The following SCUBE3 variants were observed in gnomAD, a reference collection of about 807,000 sequenced individuals.
SCUBE3 encodes the protein signal peptide, CUB and EGF-like domain-containing protein 3.
SCUBE3 carries 33 observed loss-of-function variants against 116.8 expected under a neutral mutation model. That is an observed-to-expected ratio of 0.28 (90% CI 0.21 to 0.38). SCUBE3 has a LOEUF of 0.38. Among genes scored for constraint, SCUBE3 ranks in the 10% least tolerant of loss-of-function variants. The pLI is 1.00. For synonymous variants in SCUBE3, 418 were observed against 496.9 expected, an observed-to-expected ratio of 0.84 and a Z score of 2.11; for missense variants, 1,007 against 1,324.8, an observed-to-expected ratio of 0.76 and a Z score of 3.72.
chr6:35,222,692 TCTCA>T (rs1409537031), intron 1 of SCUBE3: 1 of 152,184 alleles, frequency 6.6e-6, no homozygotes, highest in Non-Finnish European at 1.5e-5. Flanking sequence ...CCAACTGGCC[TCTCA>T]CCCACTTCAC....
At chr6:35,220,582 G>C (rs1248252639) in intron 1 of SCUBE3, 1 of 152,102 alleles carries the variant, frequency 6.6e-6, no homozygotes, top group Non-Finnish European at 1.5e-5. Context: ...TGTCCAATTA[G>C]GGTTACATTC....
Position 35,233,271 on chromosome 6 carries a change from G to T in SCUBE3, c.682G>T (p.Val228Leu). 1 of 1,613,124 alleles carries T rather than the reference G, an allele frequency of 6.2e-7. No individual in the cohort carries two copies. Among genetic ancestry groups the T allele is most frequent in the Non-Finnish European group, 8.5e-7 (1 of 1,179,208 alleles). Reference sequence around the variant, plus strand: ...CCGGTGCGGCTGCCATATCAAGTTTGTGCTCCATACCGACGGGAAGACATG... The same window carrying T: ...CCGGTGCGGCTGCCATATCAAGTTTTTGCTCCATACCGACGGGAAGACATG... ...GPRCGCHIKF[V>L]LHTDGKTCIE... Residue 228 changes from valine (V) to leucine (L), a missense_variant, in exon 6 of 22, where the codon GTG becomes TTG. Coordinates refer to ENST00000274938, the MANE Select transcript of SCUBE3 (RefSeq NM_152753.4). This position sits in a 1 kb window ranked among gnomAD's most constrained non-coding sequence, Gnocchi z 5.7.
chr6:35,217,219 T>TGGTGGGGGGGGGGGGGGGGGGGGGGGGGG (rs1782931758), intron 1 of SCUBE3, among the ~76,000 whole-genome samples: 1 of 2,142 alleles, frequency 4.7e-4, no homozygotes, highest in African/African-American at 6.9e-4. Context: ...GGTGGGTGTT[T>TGGTGGGGGGGGGGGGGGGGGGGGGGGGGG]GGCGGGGGGG....
rs149950555 is a variant in SCUBE3, at chr6:35,228,296, G to A, written c.209-318G>A. Among the ~76,000 whole-genome samples the A allele has an allele frequency of 6.6e-6, 1 of 152,152 alleles. No individual in the cohort carries two copies. The highest frequency in any genetic ancestry group is 2.4e-5 in the African/African-American group (1 of 41,492). On this transcript the variant is annotated intron_variant, in intron 2 of 21. Coordinates refer to ENST00000274938, the MANE Select transcript of SCUBE3 (RefSeq NM_152753.4). The surrounding 1 kb of genome is among the most constrained non-coding windows in gnomAD (Gnocchi z 4.9). ...TTTTACTCTTGGGGACTTATTCAAA[G>A]TAACAAAATAATACATGGGAGAAGA...
chr6:35,242,081 C>A, intron 12 of SCUBE3, 123 bp from the exon 13 acceptor site: 1 of 868,184 alleles, frequency 1.2e-6, no homozygotes, highest in Non-Finnish European at 1.9e-6. Context: ...ATCCCCTTGA[C>A]TTTCATAATC....
At chr6:35,247,625 T>C (rs1784402934) in intron 21 of SCUBE3, among the ~76,000 whole-genome samples, 1 of 152,204 alleles carries the variant, frequency 6.6e-6, no homozygotes, top group South Asian at 2.1e-4. Flanking sequence ...TTTTCAAACA[T>C]TTTTAAAGCA....
In SCUBE3 at chr6:35,231,853, C is replaced by A; in HGVS notation, c.463C>A (p.Pro155Thr). The change falls in exon 4 of 22, where the codon CCA becomes ACA. Residue 155 changes from proline (P) to threonine (T), a missense_variant. Physicochemically the swap from Pro to Thr is conservative, Grantham distance 38 (BLOSUM62 -1). This residue lies in a region of SCUBE3 where 214 missense variants were observed against 316.7 expected (regional missense o/e 0.68). Transcript: ENST00000274938. The surrounding 1 kb of genome is among the most constrained non-coding windows in gnomAD (Gnocchi z 4.2). ...CAACCAGCATACCTGTATCCAGCGG[C>A]CAGAAGGTCAGCCCATGACCTGGGA... ...SDNQHTCIQRPEEGMNCMNKN... is the reference protein window; with the variant it reads ...SDNQHTCIQRTEEGMNCMNKN... The A allele has an allele frequency of 6.2e-7, 1 of 1,610,424 alleles. No individual in the cohort carries two copies. The highest frequency in any genetic ancestry group is 8.5e-7 in the Non-Finnish European group (1 of 1,177,232).
chr6:35,247,556 C>A (rs1208958244), intron 21 of SCUBE3, among the ~76,000 whole-genome samples: 1 of 151,972 alleles, frequency 6.6e-6, no homozygotes, highest in Non-Finnish European at 1.5e-5. Flanking sequence ...AAATAAAAGC[C>A]TTGACAACAA....
Position 35,243,830 on chromosome 6 carries a change from G to A in SCUBE3, c.2071+75G>A, listed in dbSNP as rs1465636836. The A allele has an allele frequency of 6.4e-7, 1 of 1,559,378 alleles. No individual in the cohort carries two copies. Among genetic ancestry groups the A allele is most frequent in the South Asian group, 1.2e-5 (1 of 86,664 alleles). On this transcript the variant is annotated intron_variant, in intron 16 of 21. Transcript: ENST00000274938. This position sits in a 1 kb window ranked among gnomAD's most constrained non-coding sequence, Gnocchi z 6.6. ...GCCCATGGGCATGGGATTTCCCAAA[G>A]GGCAGGCCCAGGCTCCAGGCCACTC...
chr6:35,245,658 G>A lies in SCUBE3; in HGVS notation c.2599+233G>A, dbSNP rs1784304505. Reference sequence around the variant, plus strand: ...TAGCAGTGGGGCTAGAACTCCAATGGCGTTACATGTATCACTTTCCTATCC... The same window carrying A: ...TAGCAGTGGGGCTAGAACTCCAATGACGTTACATGTATCACTTTCCTATCC... On this transcript the variant is annotated intron_variant, in intron 19 of 21. Coordinates refer to ENST00000274938, the MANE Select transcript of SCUBE3 (RefSeq NM_152753.4). This position sits in a 1 kb window ranked among gnomAD's most constrained non-coding sequence, Gnocchi z 4.2. Among the ~76,000 whole-genome samples the A allele has an allele frequency of 6.6e-6, 1 of 152,212 alleles. No individual in the cohort carries two copies. Among genetic ancestry groups the A allele is most frequent in the Non-Finnish European group, 1.5e-5 (1 of 68,050 alleles).
At chr6:35,220,199 C>T (rs1783070599) in intron 1 of SCUBE3, among the ~76,000 whole-genome samples, 1 of 152,132 alleles carries the variant, frequency 6.6e-6, no homozygotes, top group Non-Finnish European at 1.5e-5. Context: ...TTAGAGAACA[C>T]AGTGGGTAGT....
Position 35,241,654 on chromosome 6 carries a change from TG to T in SCUBE3, c.1308del (p.Leu436PhefsTer10). Reference protein sequence around the residue: ...ALTCPSRARFLPESENGFTVS... With the variant: ...ALTCPSRARFXPESENGFTVS... ...ACCTGTCCCTCCAGGGCCCGATTTTTGCCAGGTACATGGGAGGAGGGTGCTG... is the reference window on the plus strand; with the variant it reads ...ACCTGTCCCTCCAGGGCCCGATTTTTCCAGGTACATGGGAGGAGGGTGCTG... On this transcript the variant is annotated frameshift_variant, in exon 11 of 22. Transcript: ENST00000274938. LOFTEE classifies it high-confidence loss of function. The surrounding 1 kb of genome is among the most constrained non-coding windows in gnomAD (Gnocchi z 4.1). 6.2e-7 allele frequency: 1 copy of T among 1,610,020 alleles called. No homozygotes were observed. Among genetic ancestry groups the T allele is most frequent in the Middle Eastern group, 1.7e-4 (1 of 6,054 alleles).
At chr6:35,229,544 G>A (rs1783452621) in intron 3 of SCUBE3, among the ~76,000 whole-genome samples, 1 of 152,160 alleles carries the variant, frequency 6.6e-6, no homozygotes, top group African/African-American at 2.4e-5. Flanking sequence ...TGTTTTTGAT[G>A]ATGACGACAG....
rs1581942699 is a variant in SCUBE3, at chr6:35,241,403, G to A, written c.1195+137G>A. 1 of 1,189,614 alleles carries A rather than the reference G, an allele frequency of 8.4e-7. No homozygotes were observed. Among genetic ancestry groups the A allele is most frequent in the Non-Finnish European group, 1.2e-6 (1 of 815,402 alleles). 73.7% of individuals were successfully genotyped at this position (1,189,614 alleles called of 1,614,324 possible). ...GAGAATGTAGCCATTTTGAGTTAAA[G>A]ACATGAAATTTGTAGTAAACAATCC... On this transcript the variant is annotated intron_variant, in intron 10 of 21. Coordinates refer to ENST00000274938, the MANE Select transcript of SCUBE3 (RefSeq NM_152753.4). This position sits in a 1 kb window ranked among gnomAD's most constrained non-coding sequence, Gnocchi z 4.1.
intron 6 of SCUBE3, among the ~76,000 whole-genome samples, chr6:35,236,965 G>A (rs761626094): frequency 4.6e-5 from 7 of 152,132 alleles, no homozygotes; most frequent in Non-Finnish European, 7.4e-5. Context: ...TTCTCCTGCT[G>A]TGAATTCAGA....
chr6:35,234,875 A>C (rs1783694519), intron 6 of SCUBE3, among the ~76,000 whole-genome samples: 1 of 152,140 alleles, frequency 6.6e-6, no homozygotes. Context: ...TGGCCAAATG[A>C]GGCAGAAAAG....
intron 21 of SCUBE3, 54 bp downstream of exon 21, chr6:35,246,339 A>T: frequency 8.0e-7 from 1 of 1,245,224 alleles, no homozygotes; most frequent in South Asian, 1.2e-5. Flanking sequence ...ATGTAACAAT[A>T]TATAGGCAAT....
At position 35,217,263 on chromosome 6, in the gene SCUBE3, G is replaced by T. The variant is rs796332538; in HGVS notation, c.85+2760G>T. ...GGGGGGGAGGCGCGGCGGGGGGGGG[G>T]GTGTGTGCAGCAGTGGTTAAAAAGA... On this transcript the variant is annotated intron_variant, in intron 1 of 21. Coordinates refer to ENST00000274938, the MANE Select transcript of SCUBE3 (RefSeq NM_152753.4). 2.3e-3 allele frequency among the ~76,000 whole-genome samples: 237 copies of T among 101,476 alleles called. 5 individuals carry two copies. The highest frequency in any genetic ancestry group is 6.5e-3 in the African/African-American group (142 of 21,708). The allele number at this position is 101,476 out of a possible 152,430, so 66.6% of individuals were successfully genotyped here. A position where few individuals can be genotyped will look rare whatever the true frequency, so the allele number is the denominator to read the frequency against.
At chr6:35,242,103 G>C (rs969829196) in intron 12 of SCUBE3, 101 bp from the exon 13 acceptor site, 5 of 935,044 alleles carry the variant, frequency 5.3e-6, no homozygotes, top group Non-Finnish European at 8.7e-6. Flanking sequence ...CACTCCCCCA[G>C]CCAAGCCCCT....
Sources: gnomAD v4.1 joint callset for allele counts (sites outside exome capture counted in the v4.1 genomes callset) on GRCh38, gnomAD v4.1.1 for gene constraint, gnomAD v4.1.1 regional missense constraint, Gnocchi (gnomAD v3.1) non-coding constraint, MANE v1.5 for transcripts, NCBI Gene and HGNC (gene_info 2026-07-23, HGNC 2026-07-21) for gene names.